Variants in PCDHGA8 observed in about 807,000 individuals in gnomAD.
The protein encoded by PCDHGA8 is protocadherin gamma-A8.
A neutral mutation model predicts 59.2 loss-of-function variants in PCDHGA8; 45 were observed. The observed-to-expected ratio is 0.76, with a 90% confidence interval of 0.60 to 0.98. The LOEUF is 0.98. PCDHGA8 is among the 50% of genes least tolerant of loss of function. The pLI is 0.00. For missense variants in PCDHGA8, 1,257 were observed against 1,196.2 expected (o/e 1.05, Z -0.75); for synonymous variants, 531 against 519.0 (o/e 1.02, Z -0.32).
intron 1 of PCDHGA8, among the ~76,000 whole-genome samples, chr5:141,452,542 C>T (rs2098743637): frequency 6.6e-6 from 1 of 152,180 alleles, no homozygotes; most frequent in Admixed American, 6.6e-5. Flanking sequence ...CATATTGATA[C>T]CTCCAGTTCT....
intron 1 of PCDHGA8, chr5:141,414,036 A>G: frequency 6.2e-7 from 1 of 1,612,018 alleles, no homozygotes; most frequent in South Asian, 1.1e-5. Context: ...CATTCCGAAA[A>G]TTACCTGACA....
At position 141,485,142 on chromosome 5, in the gene PCDHGA8, A is replaced by C. The variant is rs979255582; in HGVS notation, c.2425-9665A>C. 5 of 1,554,566 alleles carry C rather than the reference A, an allele frequency of 3.2e-6. No homozygotes were observed. The highest frequency in any genetic ancestry group is 3.5e-6 in the Non-Finnish European group (4 of 1,131,592). On this transcript the variant is annotated intron_variant, in intron 1 of 3. Transcript: ENST00000398604. The surrounding 1 kb of genome is among the most constrained non-coding windows in gnomAD (Gnocchi z 5.7). ...GGCGGGTCGGCTTCATCCGCGTCTC[A>C]GGAGCAAGTAGAGAATTAGCGGGCG... is the stretch of plus-strand genomic sequence containing the variant.
intron 1 of PCDHGA8, among the ~76,000 whole-genome samples, chr5:141,467,051 T>G (rs988417775): frequency 6.6e-6 from 1 of 151,462 alleles, no homozygotes; most frequent in Non-Finnish European, 1.5e-5. Context: ...TGAATCAATG[T>G]TTTCTTTTTT....
In PCDHGA8 at chr5:141,489,950, A is replaced by C. The variant is rs1055715796; in HGVS notation, c.2425-4857A>C. 1 of 1,614,192 alleles carries C rather than the reference A, an allele frequency of 6.2e-7. No homozygotes were observed. The highest frequency in any genetic ancestry group is 1.3e-5 in the African/African-American group (1 of 75,060). ...TCTGTCATCGTGCTGGACATCAATG[A>C]TAATGCTCCAACCTTCCAATCCTCA... is the stretch of plus-strand genomic sequence containing the variant. On this transcript the variant is annotated intron_variant, in intron 1 of 3. Coordinates refer to ENST00000398604, the MANE Select transcript of PCDHGA8 (RefSeq NM_032088.2). The surrounding 1 kb of genome is among the most constrained non-coding windows in gnomAD (Gnocchi z 4.5).
At chr5:141,446,128 G>T (rs1242643475) in intron 1 of PCDHGA8, among the ~76,000 whole-genome samples, 1 of 152,188 alleles carries the variant, frequency 6.6e-6, no homozygotes, top group Admixed American at 6.5e-5. Context: ...GGTTCAATAA[G>T]ACTTAATAAT....
At chr5:141,399,808 C>A in intron 1 of PCDHGA8, 1 of 1,613,208 alleles carries the variant, frequency 6.2e-7, no homozygotes, top group Non-Finnish European at 8.5e-7. Flanking sequence ...GGTGCTGTAC[C>A]CCGCGCTGGG....
At position 141,431,258 on chromosome 5, in the gene PCDHGA8, C is replaced by G. The variant is rs754250241; in HGVS notation, c.2424+36021C>G. 6.2e-6 allele frequency: 10 copies of G among 1,614,186 alleles called. No individual in the cohort carries two copies. The highest frequency in any genetic ancestry group is 1.6e-4 in the Middle Eastern group (1 of 6,062). ...GGATCCGGATATCGGGAAGAACTCT[C>G]TGCAGAGCTACGAGCTCAGCCCGAA... On this transcript the variant is annotated intron_variant, in intron 1 of 3. Transcript: ENST00000398604. This position sits in a 1 kb window ranked among gnomAD's most constrained non-coding sequence, Gnocchi z 4.8.
At position 141,512,630 on chromosome 5, in the gene PCDHGA8, G is replaced by C. The variant is rs1335322474; in HGVS notation, c.*1457G>C. On this transcript the variant is annotated 3_prime_UTR_variant, in exon 4 of 4. Transcript: ENST00000398604. ...GGGGCTGCCAGAGAACCCCAGACCT[G>C]CCCTTACAGTAGTGTAGCGCCCCCT... The C allele has an allele frequency of 6.5e-6, 1 of 152,888 alleles. No individual in the cohort carries two copies. Among genetic ancestry groups the C allele is most frequent in the Non-Finnish European group, 1.5e-5 (1 of 68,576 alleles). 9.5% of individuals were successfully genotyped at this position (152,888 alleles called of 1,614,324 possible).
At chr5:141,457,719 G>T (rs1437841051) in intron 1 of PCDHGA8, among the ~76,000 whole-genome samples, 1 of 152,226 alleles carries the variant, frequency 6.6e-6, no homozygotes, top group Non-Finnish European at 1.5e-5. Context: ...GTTCCACAAG[G>T]AATTTCAGAT....
intron 1 of PCDHGA8, chr5:141,414,233 T>C: frequency 1.2e-6 from 2 of 1,613,474 alleles, no homozygotes; most frequent in African/African-American, 2.7e-5. Context: ...GAGCTGACCA[T>C]CACGTCTCTA....
At chr5:141,438,957 CACCCTGCCA>C (rs1022731551) in intron 1 of PCDHGA8, among the ~76,000 whole-genome samples, 2 of 152,144 alleles carry the variant, frequency 1.3e-5, no homozygotes, top group East Asian at 3.9e-4. Flanking sequence ...TGAGCCACCG[CACCCTGCCA>C]ACTGTCTGAC....
intron 1 of PCDHGA8, chr5:141,419,499 G>A: frequency 6.2e-7 from 1 of 1,612,368 alleles, no homozygotes; most frequent in Non-Finnish European, 8.5e-7. Context: ...GCCAATGTGA[G>A]CCTGCGCGTG....
chr5:141,461,072 A>C (rs555905734), intron 1 of PCDHGA8, among the ~76,000 whole-genome samples: 1 of 151,688 alleles, frequency 6.6e-6, no homozygotes, highest in African/African-American at 2.4e-5. Context: ...ACATTTTTGC[A>C]ATTGTGAATT....
At chr5:141,422,850 G>T (rs184432819) in intron 1 of PCDHGA8, 7 of 1,614,086 alleles carry the variant, frequency 4.3e-6, no homozygotes, top group Non-Finnish European at 5.9e-6. Context: ...GCGGGGACCC[G>T]CCCCTCAGCA....
At chr5:141,458,081 G>A (rs765008628) in intron 1 of PCDHGA8, among the ~76,000 whole-genome samples, 62 of 152,186 alleles carry the variant, frequency 4.1e-4, no homozygotes, top group East Asian at 1.9e-4. Flanking sequence ...CTATATTGCC[G>A]TAAGTTAAGA....
chr5:141,413,699 A>T (rs2095668539), intron 1 of PCDHGA8: 2 of 1,613,762 alleles, frequency 1.2e-6, no homozygotes, highest in East Asian at 4.5e-5. Context: ...CAGAGCTATC[A>T]GCTCAGCCCC....
Position 141,511,039 on chromosome 5 carries a change from C to T in PCDHGA8, c.2665C>T (p.Pro889Ser). 1 of 1,614,196 alleles carries T rather than the reference C, an allele frequency of 6.2e-7. No homozygotes were observed. ...YGPQFTLQHV[P>S]DYRQNVYIPG... ...ACCCCAGTTCACCCTGCAGCACGTGCCCGACTACCGCCAGAATGTCTACAT... is the reference window on the plus strand; with the variant it reads ...ACCCCAGTTCACCCTGCAGCACGTGTCCGACTACCGCCAGAATGTCTACAT... The change falls in exon 4 of 4, where the codon CCC (proline) becomes TCC (serine). Residue 889 changes from proline (P) to serine (S), a missense_variant. Physicochemically the swap from Pro to Ser is moderately conservative, Grantham distance 74. Coordinates refer to ENST00000398604, the MANE Select transcript of PCDHGA8 (RefSeq NM_032088.2).
At position 141,489,135 on chromosome 5, in the gene PCDHGA8, G is replaced by T; in HGVS notation, c.2425-5672G>T. The T allele has an allele frequency of 1.4e-6, 1 of 725,448 alleles. No individual in the cohort carries two copies. The highest frequency in any genetic ancestry group is 2.1e-6 in the Non-Finnish European group (1 of 470,770). 44.9% of individuals were successfully genotyped at this position (725,448 alleles called of 1,614,324 possible). ...GCAAACCTCCGAGCAGTTTTTAAGA[G>T]GCTGGAAGGAGACATAAGAGACTTC... On this transcript the variant is annotated intron_variant, in intron 1 of 3. Coordinates refer to ENST00000398604, the MANE Select transcript of PCDHGA8 (RefSeq NM_032088.2). The surrounding 1 kb of genome is among the most constrained non-coding windows in gnomAD (Gnocchi z 4.5).
chr5:141,392,732 T>C lies in PCDHGA8; in HGVS notation c.-82T>C. ...ACTCCAGGTTTCCGGAGGATTGTCA[T>C]CTCCATAGCTGCGGCAAGAAACTAA... On this transcript the variant is annotated 5_prime_UTR_variant, in exon 1 of 4. Coordinates refer to ENST00000398604, the MANE Select transcript of PCDHGA8 (RefSeq NM_032088.2). 1 of 1,414,588 alleles carries C rather than the reference T, an allele frequency of 7.1e-7. No individual in the cohort carries two copies. 87.6% of individuals were successfully genotyped at this position (1,414,588 alleles called of 1,614,324 possible). A position where few individuals can be genotyped will look rare whatever the true frequency, so the allele number is the denominator to read the frequency against.
Sources: allele counts gnomAD v4.1 joint callset (sites outside exome capture counted in the v4.1 genomes callset), GRCh38; gene constraint gnomAD v4.1.1; non-coding constraint Gnocchi (gnomAD v3.1); transcripts MANE v1.5; gene names NCBI Gene and HGNC (gene_info 2026-07-23, HGNC 2026-07-21).